The following CHD1L variants were observed in gnomAD, a reference collection of about 807,000 sequenced individuals.
CHD1L encodes the protein chromodomain helicase DNA binding protein 1 like, also known as ATP-dependent chromatin remodeler CHD1L.
A neutral mutation model predicts 115.9 loss-of-function variants in CHD1L; 118 were observed. That is an observed-to-expected ratio of 1.02 (90% CI 0.88 to 1.19). The LOEUF (loss-of-function observed/expected upper bound fraction) is 1.19, where lower values mean the gene tolerates loss of function less well. Ranked by LOEUF, CHD1L falls within the 50% of genes most tolerant of loss-of-function variation. CHD1L has a pLI of 0.00. For synonymous variants in CHD1L, 411 were observed against 387.1 expected (o/e 1.06, Z -0.72); for missense variants, 1,179 against 1,065.3 (o/e 1.11, Z -1.49).
intron 12 of CHD1L, among the ~76,000 whole-genome samples, chr1:147,272,765 C>T: frequency 6.6e-6 from 1 of 152,134 alleles, no homozygotes; most frequent in East Asian, 1.9e-4. Context: ...TTTATGACAT[C>T]ATCCATATAT....
chr1:147,292,452 A>G (rs897651717), intron 20 of CHD1L, among the ~76,000 whole-genome samples: 8 of 152,220 alleles, frequency 5.3e-5, no homozygotes, highest in Non-Finnish European at 1.2e-4. Flanking sequence ...GCCAGAATTA[A>G]GAAATTTCAA....
intron 9 of CHD1L, among the ~76,000 whole-genome samples, chr1:147,268,557 T>C (rs1434728105): frequency 6.6e-6 from 1 of 152,214 alleles, no homozygotes; most frequent in African/African-American, 2.4e-5. Flanking sequence ...ACCTTTAGCA[T>C]CTTCTTCTGT....
intron 14 of CHD1L, 127 bp from the exon 15 acceptor site, chr1:147,279,899 C>CA (rs1680137821): frequency 1.1e-6 from 1 of 881,416 alleles, no homozygotes; most frequent in Non-Finnish European, 1.8e-6. Context: ...ATGGGGAGAG[C>CA]AGAAAGGCTG....
chr1:147,186,209 T>C, the CHD1L span: 1 of 518,374 alleles, frequency 1.9e-6, no homozygotes, highest in Non-Finnish European at 2.5e-6. Context: ...CTCAACCAAG[T>C]TGATCTCATT....
the CHD1L span, among the ~76,000 whole-genome samples, chr1:147,180,977 A>G: frequency 6.6e-6 from 1 of 152,248 alleles, no homozygotes; most frequent in Non-Finnish European, 1.5e-5. Context: ...AACGCGGCCT[A>G]GACAAGGGTC....
the CHD1L span, among the ~76,000 whole-genome samples, chr1:147,233,018 G>A: frequency 5.9e-5 from 9 of 151,868 alleles, no homozygotes; most frequent in African/African-American, 9.7e-5. Context: ...AGTGAGGAGC[G>A]CCTCTTCCCG....
At position 147,280,632 on chromosome 1, in the gene CHD1L, T is replaced by C. The variant is rs112476250; in HGVS notation, c.1705+441T>C. Among the ~76,000 whole-genome samples the C allele has an allele frequency of 7.2e-4, 110 of 152,224 alleles. 1 individual carries two copies. Among genetic ancestry groups the C allele is most frequent in the Non-Finnish European group, 2.5e-4 (17 of 68,038 alleles). Reference sequence around the variant, plus strand: ...TTGCGTTCATCAACAGTGCGGACTTTGTCATGTGCTTTTTCCATTTAATTT... The same window carrying C: ...TTGCGTTCATCAACAGTGCGGACTTCGTCATGTGCTTTTTCCATTTAATTT... On this transcript the variant is annotated intron_variant, in intron 15 of 22. Transcript: ENST00000369258.
In CHD1L at chr1:147,280,030, G is replaced by A; in HGVS notation, c.1544G>A (p.Ser515Asn). ...TTTTTGTTTCCTCTATTCAAGTTGA[G>A]TGAGATACTCAAATTTGGTTTGGAT... ...KPAADADLQL[S>N]EILKFGLDKL... Residue 515 changes from serine (S) to asparagine (N), a missense_variant, in exon 15 of 23, where the codon AGT (serine) becomes AAT (asparagine). Transcript: ENST00000369258. 1 of 1,613,798 alleles carries A rather than the reference G, an allele frequency of 6.2e-7. No homozygotes were observed. Among genetic ancestry groups the A allele is most frequent in the Non-Finnish European group, 8.5e-7 (1 of 1,179,994 alleles).
chr1:147,235,608 C>A, the CHD1L span, among the ~76,000 whole-genome samples: 1 of 152,058 alleles, frequency 6.6e-6, no homozygotes, highest in Non-Finnish European at 1.5e-5. Flanking sequence ...GCAACAGAAC[C>A]CAGAATAGGT....
In CHD1L at chr1:147,295,745, T is replaced by A. The variant is rs1410462565; in HGVS notation, c.*236T>A. ...CCCCAGCTTGCTAGTTGCATAATAATAAATTTTCTGTTCCTAATGGTTTTA... is the reference window on the plus strand; with the variant it reads ...CCCCAGCTTGCTAGTTGCATAATAAAAAATTTTCTGTTCCTAATGGTTTTA... On this transcript the variant is annotated 3_prime_UTR_variant, in exon 23 of 23. Transcript: ENST00000369258. 3 of 510,540 alleles carry A rather than the reference T, an allele frequency of 5.9e-6. No individual in the cohort carries two copies. The African/African-American group carries it at 6.0e-5, about 10-fold the overall frequency. 31.6% of individuals were successfully genotyped at this position (510,540 alleles called of 1,614,324 possible).
chr1:147,193,117 C>T, the CHD1L span, among the ~76,000 whole-genome samples: 7 of 152,202 alleles, frequency 4.6e-5, no homozygotes, highest in South Asian at 2.1e-4. Context: ...TGGTAGAATT[C>T]GGCTGTGAAT....
At chr1:147,269,470 A>G (rs1363248722) in intron 10 of CHD1L, among the ~76,000 whole-genome samples, 1 of 152,026 alleles carries the variant, frequency 6.6e-6, no homozygotes, top group African/African-American at 2.4e-5. Context: ...AGAGATCGAG[A>G]CCATCTTGGC....
the CHD1L span, among the ~76,000 whole-genome samples, chr1:147,182,038 A>G: frequency 1.3e-5 from 2 of 152,220 alleles, no homozygotes; most frequent in African/African-American, 4.8e-5. Context: ...GGCAGATTAT[A>G]AAATCACTGG....
chr1:147,263,732 C>G (rs1446701033), intron 6 of CHD1L, among the ~76,000 whole-genome samples: 1 of 151,954 alleles, frequency 6.6e-6, no homozygotes, highest in Non-Finnish European at 1.5e-5. Context: ...TGGTGTTCTT[C>G]TCTGTTGTTC....
At chr1:147,272,036 G>T in intron 11 of CHD1L, 135 bp from the exon 12 acceptor site, 1 of 572,872 alleles carries the variant, frequency 1.7e-6, no homozygotes, top group Admixed American at 3.3e-5. Context: ...TTTCCCTTTG[G>T]GATTTGCTTA....
chr1:147,253,469 A>G (rs1489194367), intron 2 of CHD1L, among the ~76,000 whole-genome samples: 2 of 152,170 alleles, frequency 1.3e-5, no homozygotes, highest in Non-Finnish European at 2.9e-5. Context: ...CAAGCACTCT[A>G]ACCATAACCA....
the CHD1L span, chr1:147,184,594 CAACTTG>C: frequency 3.9e-6 from 6 of 1,548,546 alleles, no homozygotes; most frequent in Non-Finnish European, 5.2e-6. The surrounding 1 kb of genome is among the most constrained non-coding windows in gnomAD (Gnocchi z 4.4). Context: ...GAATATTCTT[CAACTTG>C]GGTTTGTCTG....
chr1:147,220,655 A>G, the CHD1L span, among the ~76,000 whole-genome samples: 1 of 152,190 alleles, frequency 6.6e-6, no homozygotes, highest in Non-Finnish European at 1.5e-5. Flanking sequence ...TAGGGTTTTT[A>G]TAGTTTTAGA....
the CHD1L span, among the ~76,000 whole-genome samples, chr1:147,197,896 G>T: frequency 1.3e-5 from 2 of 152,166 alleles, no homozygotes; most frequent in African/African-American, 4.8e-5. Flanking sequence ...GTCAGTATAT[G>T]TTATCTGAAG....
Sources: allele counts gnomAD v4.1 joint callset (sites outside exome capture counted in the v4.1 genomes callset), GRCh38; gene constraint gnomAD v4.1.1; non-coding constraint Gnocchi (gnomAD v3.1); transcripts MANE v1.5; gene names NCBI Gene and HGNC (gene_info 2026-07-23, HGNC 2026-07-21).